The following IARS1 variants were observed in gnomAD, a reference collection of about 807,000 sequenced individuals.
IARS1 encodes isoleucine--tRNA ligase, cytoplasmic.
In IARS1, 124 loss-of-function variants were observed where a neutral mutation model predicts 168.2. That is an observed-to-expected ratio of 0.74 (90% CI 0.64 to 0.86). The LOEUF (loss-of-function observed/expected upper bound fraction) is 0.86. Among genes scored for constraint, IARS1 ranks in the 40% least tolerant of loss-of-function variants. The pLI is 0.00. For synonymous variants in IARS1, 532 were observed against 529.4 expected (o/e 1.00, Z -0.07); for missense variants, 1,452 against 1,515.8 (o/e 0.96, Z 0.70).
At chr9:92,276,908 A>T (rs1398463392) in intron 9 of IARS1, among the ~76,000 whole-genome samples, 1 of 152,154 alleles carries the variant, frequency 6.6e-6, no homozygotes, top group African/African-American at 2.4e-5. Flanking sequence ...CAACTTTATG[A>T]CTCTGAAGAA....
intron 17 of IARS1, among the ~76,000 whole-genome samples, chr9:92,261,342 T>A (rs1019207136): frequency 6.6e-6 from 1 of 151,896 alleles, no homozygotes; most frequent in Non-Finnish European, 1.5e-5. Context: ...TTCCCCCAAG[T>A]TAGTTACTGT....
intron 30 of IARS1, among the ~76,000 whole-genome samples, chr9:92,229,880 A>T (rs1826389730): frequency 6.6e-6 from 1 of 152,286 alleles, no homozygotes; most frequent in Non-Finnish European, 1.5e-5. Flanking sequence ...TCACTCGTGT[A>T]AAATCCTGTA....
At chr9:92,230,059 T>A (rs1826419675) in intron 30 of IARS1, among the ~76,000 whole-genome samples, 1 of 152,152 alleles carries the variant, frequency 6.6e-6, no homozygotes, top group Non-Finnish European at 1.5e-5. Flanking sequence ...GTGAATGCAA[T>A]CATACAGTAT....
rs1480755302 is a variant in IARS1, at chr9:92,222,659, CCCCATTAAACACTCTGTGGAAG to C, written c.3554-9_3566del. 1 of 1,613,978 alleles carries C rather than the reference CCCCATTAAACACTCTGTGGAAG, an allele frequency of 6.2e-7. No homozygotes were observed. Among genetic ancestry groups the C allele is most frequent in the Non-Finnish European group, 8.5e-7 (1 of 1,179,978 alleles). On this transcript the variant is annotated splice_acceptor_variant and splice_polypyrimidine_tract_variant and coding_sequence_variant and intron_variant, in exon 33 of 34. Transcript: ENST00000443024. LOFTEE classifies it high-confidence loss of function. ...TTTCAAGCAGGAGAGTGCCCACTGT[CCCCATTAAACACTCTGTGGAAG>C]ACAGAACAAACTGGATTAAATCTCG...
chr9:92,260,590 G>A (rs1379698563), intron 17 of IARS1, among the ~76,000 whole-genome samples: 1 of 152,202 alleles, frequency 6.6e-6, no homozygotes, highest in Non-Finnish European at 1.5e-5. Context: ...GAGAGGCAGA[G>A]ATTGAAGTGA....
rs371274191 is a variant in IARS1, at chr9:92,262,945, G to A, written c.1787+24C>T. On this transcript the variant is annotated intron_variant, in intron 17 of 33. Transcript: ENST00000443024. ...AAACAGTGGAGACAAAGTTCCACCC[G>A]TCACTACAACAAAGTTGACCTACCT... 4.6e-5 allele frequency: 72 copies of A among 1,559,304 alleles called. No individual in the cohort carries two copies. The South Asian group carries it at 5.7e-4, about 12-fold the overall frequency.
intron 10 of IARS1, 152 bp downstream of exon 10, chr9:92,274,274 T>C (rs1452460682): frequency 1.2e-5 from 7 of 587,968 alleles, no homozygotes; most frequent in South Asian, 1.9e-5. Context: ...TGAAAGGGAA[T>C]TGCAGATGCA....
chr9:92,276,909 C>T (rs1208502896), intron 9 of IARS1, among the ~76,000 whole-genome samples: 1 of 152,188 alleles, frequency 6.6e-6, no homozygotes, highest in Non-Finnish European at 1.5e-5. Context: ...AACTTTATGA[C>T]TCTGAAGAAA....
rs145694287 is a variant in IARS1, at chr9:92,242,177, C to T, written c.3154G>A (p.Val1052Ile). 2.5e-5 allele frequency: 41 copies of T among 1,613,764 alleles called. No homozygotes were observed. The highest frequency in any genetic ancestry group is 3.3e-5 in the Non-Finnish European group (39 of 1,179,878). ...ACCTGTGTTTTTTCTTGAATAAGGA[C>T]TTTATCCGATGGAGAAACTGGATAT... ...KPYPVSPSDKVLIQEKTQLKG... is the reference protein window; with the variant it reads ...KPYPVSPSDKILIQEKTQLKG... The change falls in exon 29 of 34, where the codon GTC (valine) becomes ATC (isoleucine). Residue 1052 changes from valine (V) to isoleucine (I), a missense_variant. Transcript: ENST00000443024.
At chr9:92,255,338 A>AG (rs1216663848) in intron 20 of IARS1, among the ~76,000 whole-genome samples, 1 of 152,204 alleles carries the variant, frequency 6.6e-6, no homozygotes, top group Non-Finnish European at 1.5e-5. Flanking sequence ...CAGGAACCGC[A>AG]GAGCCCTGTG....
chr9:92,229,160 C>T (rs1003605054), intron 30 of IARS1, 34 bp from the exon 31 acceptor site: 1 of 1,594,474 alleles, frequency 6.3e-7, no homozygotes, highest in East Asian at 2.2e-5. Flanking sequence ...CTCAATCAGA[C>T]AAATAAAACT....
intron 1 of IARS1, among the ~76,000 whole-genome samples, chr9:92,291,039 C>A (rs1836242802): frequency 6.6e-6 from 1 of 151,870 alleles, no homozygotes; most frequent in South Asian, 2.1e-4. Flanking sequence ...GGTTTAGTCC[C>A]TAATGAGAGA....
intron 29 of IARS1, 68 bp downstream of exon 29, chr9:92,242,086 C>A (rs574789584): frequency 8.4e-7 from 1 of 1,196,420 alleles, no homozygotes; most frequent in Non-Finnish European, 1.2e-6. Context: ...AATATCAACA[C>A]GTGAGTACAC....
rs778382109 is a variant in IARS1, at chr9:92,242,175, G to T, written c.3156C>A (p.Val1052=). 2 of 1,613,742 alleles carry T rather than the reference G, an allele frequency of 1.2e-6. No individual in the cohort carries two copies. Among genetic ancestry groups the T allele is most frequent in the African/African-American group, 1.3e-5 (1 of 75,044 alleles). ...KPYPVSPSDK[V]LIQEKTQLKG... is the part of the protein sequence containing the mutation. ...TCACCTGTGTTTTTTCTTGAATAAGGACTTTATCCGATGGAGAAACTGGAT... is the reference window on the plus strand; with the variant it reads ...TCACCTGTGTTTTTTCTTGAATAAGTACTTTATCCGATGGAGAAACTGGAT... The change falls in exon 29 of 34, where the codon GTC becomes GTA. Residue 1052 remains valine, a synonymous_variant. Coordinates refer to ENST00000443024, the MANE Select transcript of IARS1 (RefSeq NM_002161.6).
intron 27 of IARS1, among the ~76,000 whole-genome samples, chr9:92,244,529 C>G (rs1329860466): frequency 8.1e-6 from 1 of 123,458 alleles, no homozygotes; most frequent in Admixed American, 7.7e-5. Context: ...GAATCTAAAA[C>G]AGTTTGTATA....
At chr9:92,215,872 C>A (rs1412003178) in intron 33 of IARS1, among the ~76,000 whole-genome samples, 1 of 152,124 alleles carries the variant, frequency 6.6e-6, no homozygotes, top group Non-Finnish European at 1.5e-5. Context: ...AGGAGAACTT[C>A]CCCTATCTAG....
At chr9:92,277,763 T>C (rs1833970616) in intron 9 of IARS1, 100 bp downstream of exon 9, 2 of 888,802 alleles carry the variant, frequency 2.3e-6, no homozygotes, top group South Asian at 1.6e-5. Context: ...TGGATTCAGG[T>C]ACACTCATAA....
chr9:92,232,544 A>T (rs1315244142), intron 30 of IARS1, among the ~76,000 whole-genome samples: 1 of 152,246 alleles, frequency 6.6e-6, no homozygotes, highest in African/African-American at 2.4e-5. Context: ...TCACAGTAAG[A>T]GGAAGAATTT....
chr9:92,276,181 AT>A (rs1229359630), intron 9 of IARS1, among the ~76,000 whole-genome samples: 1 of 152,264 alleles, frequency 6.6e-6, no homozygotes, highest in Non-Finnish European at 1.5e-5. Flanking sequence ...CCAAAGATGC[AT>A]TTCAGAAAAC....
Sources: gnomAD v4.1 joint callset for allele counts (sites outside exome capture counted in the v4.1 genomes callset) on GRCh38, gnomAD v4.1.1 for gene constraint, MANE v1.5 for transcripts, NCBI Gene and HGNC (gene_info 2026-07-23, HGNC 2026-07-21) for gene names.